Variants in DHX34 observed in about 807,000 individuals in gnomAD.
DHX34 encodes probable ATP-dependent RNA helicase DHX34.
Under a neutral mutation model 111.1 loss-of-function variants are expected in DHX34, and 96 were observed. That is an observed-to-expected ratio of 0.86 (90% CI 0.73 to 1.02). The LOEUF (loss-of-function observed/expected upper bound fraction) is 1.02, where lower values mean the gene tolerates loss of function less well. DHX34 is among the 50% of genes least tolerant of loss of function. The pLI is 0.00. For missense variants in DHX34, 1,560 were observed against 1,579.9 expected, an observed-to-expected ratio of 0.99 and a Z score of 0.21; for synonymous variants, 688 against 670.4, an observed-to-expected ratio of 1.03 and a Z score of -0.41.
At chr19:47,378,162 A>G (rs1022811673) in intron 13 of DHX34, among the ~76,000 whole-genome samples, 2 of 152,064 alleles carry the variant, frequency 1.3e-5, no homozygotes, top group Non-Finnish European at 2.9e-5. Context: ...GGAGAGAGGA[A>G]CCTGCAGGCT....
chr19:47,367,294 C>G (rs1969821325), intron 7 of DHX34, 139 bp downstream of exon 7: 4 of 987,042 alleles, frequency 4.1e-6, no homozygotes, highest in Non-Finnish European at 4.1e-6. Context: ...GGGCCAGGCA[C>G]TGTTCTAGGT....
chr19:47,376,840 T>C (rs923579618), intron 12 of DHX34: 5 of 1,530,920 alleles, frequency 3.3e-6, no homozygotes, highest in Middle Eastern at 2.3e-4. Flanking sequence ...CTATGGACTC[T>C]GTGAGCTCCC....
chr19:47,380,824 C>G lies in DHX34; in HGVS notation c.2991C>G (p.Tyr997Ter). 1 of 1,613,910 alleles carries G rather than the reference C, an allele frequency of 6.2e-7. No homozygotes were observed. Among genetic ancestry groups the G allele is most frequent in the East Asian group, 2.2e-5 (1 of 44,864 alleles). ...LLQFTASKIP[Y>*]SLRRLTGLEV... ...TGTCTCTCCTTCCTTAGATTCCTTACAGCCTCCGGCGGCTCACAGGGCTAG... is the reference window on the plus strand; with the variant it reads ...TGTCTCTCCTTCCTTAGATTCCTTAGAGCCTCCGGCGGCTCACAGGGCTAG... Residue 997 changes from tyrosine (Y) to a stop codon, truncating the protein, a stop_gained, in exon 15 of 17, where the codon TAC becomes TAG. Coordinates refer to ENST00000328771, the MANE Select transcript of DHX34 (RefSeq NM_014681.6). LOFTEE classifies it high-confidence loss of function.
Position 47,367,170 on chromosome 19 carries a change from C to G in DHX34, c.1768+15C>G, listed in dbSNP as rs747179519. ...CGTTGTGATTGGTGAGTACCCACCCCCCTCCTGATCACTCAGGGCCCCAGG... is the reference window on the plus strand; with the variant it reads ...CGTTGTGATTGGTGAGTACCCACCCGCCTCCTGATCACTCAGGGCCCCAGG... On this transcript the variant is annotated intron_variant, in intron 7 of 16. Transcript: ENST00000328771. 7.5e-6 allele frequency: 11 copies of G among 1,466,776 alleles called. No homozygotes were observed. Among genetic ancestry groups the G allele is most frequent in the African/African-American group, 4.3e-5 (3 of 69,642 alleles). 90.9% of individuals were successfully genotyped at this position (1,466,776 alleles called of 1,614,324 possible).
At chr19:47,367,895 C>CA (rs1226350533) in intron 7 of DHX34, among the ~76,000 whole-genome samples, 3,722 of 45,150 alleles carry the variant, frequency 0.082, 156 homozygotes, top group Middle Eastern at 0.11. Context: ...GACTCCATCT[C>CA]AAAAAAAAAA....
intron 7 of DHX34, among the ~76,000 whole-genome samples, chr19:47,371,020 A>G (rs1051816724): frequency 2.6e-5 from 4 of 152,186 alleles, no homozygotes; most frequent in African/African-American, 9.6e-5. Context: ...GGAGAATCTG[A>G]ACTGAGAAGC....
intron 4 of DHX34, among the ~76,000 whole-genome samples, chr19:47,359,339 A>G (rs904703349): frequency 1.3e-5 from 2 of 151,018 alleles, no homozygotes; most frequent in Non-Finnish European, 3.0e-5. Context: ...GCATGTGCCT[A>G]TAATCCCAGC....
chr19:47,374,957 G>A (rs528758299), intron 9 of DHX34, among the ~76,000 whole-genome samples: 2 of 152,302 alleles, frequency 1.3e-5, no homozygotes, highest in South Asian at 4.1e-4. Context: ...TGGGCACGGG[G>A]AGGGCAGGGG....
chr19:47,358,543 T>C (rs1203503998), intron 4 of DHX34, among the ~76,000 whole-genome samples: 1 of 151,962 alleles, frequency 6.6e-6, no homozygotes, highest in African/African-American at 2.4e-5. Flanking sequence ...AGCCTTGACT[T>C]CTTGGGCTCA....
chr19:47,353,257 C>T lies in DHX34; in HGVS notation c.227C>T (p.Ser76Phe). 6.2e-7 allele frequency: 1 copy of T among 1,614,196 alleles called. No homozygotes were observed. Among genetic ancestry groups the T allele is most frequent in the South Asian group, 1.1e-5 (1 of 91,090 alleles). Residue 76 changes from serine to phenylalanine, a missense_variant, in exon 2 of 17, where the codon TCC becomes TTC. Transcript: ENST00000328771. The surrounding 1 kb of genome is among the most constrained non-coding windows in gnomAD (Gnocchi z 4.6). ...RLQRFQNLKT[S>F]RKEEKDPGQP... is the part of the protein sequence containing the mutation. Reference sequence around the variant, plus strand: ...CAGAGATTCCAGAATCTCAAGACCTCCAGGAAGGAGGAGAAAGACCCTGGA... The same window carrying T: ...CAGAGATTCCAGAATCTCAAGACCTTCAGGAAGGAGGAGAAAGACCCTGGA...
chr19:47,377,326 C>T (rs1055984464), intron 13 of DHX34, 120 bp downstream of exon 13: 20 of 1,077,158 alleles, frequency 1.9e-5, no homozygotes, highest in Admixed American at 4.8e-5. Flanking sequence ...TGGCCGCAGG[C>T]GTCAGCCTTG....
At chr19:47,361,543 C>G (rs1969631258) in intron 5 of DHX34, among the ~76,000 whole-genome samples, 1 of 152,080 alleles carries the variant, frequency 6.6e-6, no homozygotes, top group Non-Finnish European at 1.5e-5. Flanking sequence ...CTTTGGGAGG[C>G]TGAGGCAGGT....
At chr19:47,376,862 G>A (rs2122353197) in intron 12 of DHX34, 1 of 1,532,540 alleles carries the variant, frequency 6.5e-7, no homozygotes. Flanking sequence ...GGTGGGTCCT[G>A]CAGAGGGAGG....
At chr19:47,350,070 G>C (rs1391967141) in intron 1 of DHX34, among the ~76,000 whole-genome samples, 1 of 152,092 alleles carries the variant, frequency 6.6e-6, no homozygotes, top group Non-Finnish European at 1.5e-5. Context: ...CATAGGTGTG[G>C]GATAGGAATA....
chr19:47,353,641 T>C lies in DHX34; in HGVS notation c.611T>C (p.Phe204Ser), dbSNP rs1261986647. Residue 204 changes from phenylalanine (F) to serine (S), a missense_variant, in exon 2 of 17, where the codon TTC becomes TCC. Coordinates refer to ENST00000328771, the MANE Select transcript of DHX34 (RefSeq NM_014681.6). The surrounding 1 kb of genome is among the most constrained non-coding windows in gnomAD (Gnocchi z 4.6). Reference protein sequence around the residue: ...QVPQYLLAAGFSHVACTQPRR... With the variant: ...QVPQYLLAAGSSHVACTQPRR... ...CCCCAGTACCTGCTGGCTGCTGGCT[T>C]CAGTCATGTGGCGTGCACCCAGCCC... 2 of 1,613,236 alleles carry C rather than the reference T, an allele frequency of 1.2e-6. No homozygotes were observed. The highest frequency in any genetic ancestry group is 1.7e-6 in the Non-Finnish European group (2 of 1,179,936).
At position 47,367,169 on chromosome 19, in the gene DHX34, C is replaced by A. The variant is rs780169190; in HGVS notation, c.1768+14C>A. 6 of 1,473,634 alleles carry A rather than the reference C, an allele frequency of 4.1e-6. No individual in the cohort carries two copies. Among genetic ancestry groups the A allele is most frequent in the Non-Finnish European group, 4.5e-6 (5 of 1,106,786 alleles). The allele number at this position is 1,473,634 out of a possible 1,614,324, so 91.3% of individuals were successfully genotyped here. A position where few individuals can be genotyped will look rare whatever the true frequency, so the allele number is the denominator to read the frequency against. ...ACGTTGTGATTGGTGAGTACCCACC[C>A]CCCTCCTGATCACTCAGGGCCCCAG... On this transcript the variant is annotated intron_variant, in intron 7 of 16. Coordinates refer to ENST00000328771, the MANE Select transcript of DHX34 (RefSeq NM_014681.6).
chr19:47,357,769 AG>A (rs1476930586), intron 3 of DHX34, 96 bp from the exon 4 acceptor site: 5 of 1,488,342 alleles, frequency 3.4e-6, no homozygotes, highest in Non-Finnish European at 4.5e-6. Flanking sequence ...CTTCTCCGTT[AG>A]CCTGTGGTCT....
chr19:47,361,709 G>A (rs1394251261), intron 5 of DHX34, among the ~76,000 whole-genome samples: 1 of 151,844 alleles, frequency 6.6e-6, no homozygotes, highest in Non-Finnish European at 1.5e-5. Context: ...AACTCAGGAG[G>A]CAGAGTGAGC....
chr19:47,355,004 G>A (rs1443587051), intron 2 of DHX34, 35 bp from the exon 3 acceptor site: 2 of 1,601,618 alleles, frequency 1.2e-6, no homozygotes, highest in Admixed American at 1.7e-5. Flanking sequence ...CCAGGCTCAG[G>A]GTCCTCTCCT....
Sources: gnomAD v4.1 joint callset for allele counts (sites outside exome capture counted in the v4.1 genomes callset) on GRCh38, gnomAD v4.1.1 for gene constraint, Gnocchi (gnomAD v3.1) non-coding constraint, MANE v1.5 for transcripts, NCBI Gene and HGNC (gene_info 2026-07-23, HGNC 2026-07-21) for gene names.